Variants in MGAT4C observed in about 807,000 individuals in gnomAD.
MGAT4C encodes the protein MGAT4 family member C, also known as alpha-1,3-mannosyl-glycoprotein 4-beta-N-acetylglucosaminyltransferase C.
A neutral mutation model predicts 40.1 loss-of-function variants in MGAT4C; 19 were observed. The ratio of observed to expected loss-of-function variants is 0.47; its 90% CI spans 0.33 to 0.70. The LOEUF (loss-of-function observed/expected upper bound fraction) is 0.70, where lower values mean the gene tolerates loss of function less well. MGAT4C is among the 30% of genes least tolerant of loss of function. The probability of loss-of-function intolerance (pLI) is 0.02; values close to 1 mark genes in which losing one functional copy is unlikely to be tolerated. For synonymous variants in MGAT4C, 181 were observed against 187.1 expected, an observed-to-expected ratio of 0.97 and a Z score of 0.27; for missense variants, 491 against 563.2, an observed-to-expected ratio of 0.87 and a Z score of 1.30.
intron 1 of MGAT4C, among the ~76,000 whole-genome samples, chr12:86,091,343 T>A (rs1872843762): frequency 6.6e-6 from 1 of 152,042 alleles, no homozygotes; most frequent in African/African-American, 2.4e-5. Flanking sequence ...TGTTAACCAT[T>A]TTCCCCCCAC....
At chr12:86,138,127 C>G (rs572753542) in intron 1 of MGAT4C, among the ~76,000 whole-genome samples, 6 of 152,132 alleles carry the variant, frequency 3.9e-5, no homozygotes, top group Non-Finnish European at 8.8e-5. Context: ...ATACTCCACT[C>G]TATCCTGTTT....
intron 2 of MGAT4C, among the ~76,000 whole-genome samples, chr12:86,508,319 T>G (rs963168487): frequency 6.6e-6 from 1 of 152,160 alleles, no homozygotes; most frequent in African/African-American, 2.4e-5. Context: ...TTTGGTTTTT[T>G]GTTCTTGTGA....
chr12:86,146,563 A>G (rs1883543729), intron 1 of MGAT4C, among the ~76,000 whole-genome samples: 1 of 152,054 alleles, frequency 6.6e-6, no homozygotes, highest in Non-Finnish European at 1.5e-5. Flanking sequence ...AAATCTCTCT[A>G]AGAACTGGGA....
chr12:86,029,811 A>C (rs1318619694), intron 2 of MGAT4C, among the ~76,000 whole-genome samples: 1 of 151,836 alleles, frequency 6.6e-6, no homozygotes, highest in Non-Finnish European at 1.5e-5. Context: ...GAATGTGTGT[A>C]ATTCAAGAAC....
chr12:86,179,533 G>C (rs2135860554), intron 1 of MGAT4C, among the ~76,000 whole-genome samples: 1 of 152,318 alleles, frequency 6.6e-6, no homozygotes, highest in South Asian at 2.1e-4. Context: ...GAATGGCTTT[G>C]ACAAAAATAG....
At chr12:86,415,684 T>C (rs903261523) in intron 3 of MGAT4C, among the ~76,000 whole-genome samples, 1 of 151,964 alleles carries the variant, frequency 6.6e-6, no homozygotes, top group African/African-American at 2.4e-5. Flanking sequence ...TCAATGAAGA[T>C]ACAAAACCTT....
At chr12:86,126,226 C>T (rs1225950707) in intron 1 of MGAT4C, among the ~76,000 whole-genome samples, 1 of 151,594 alleles carries the variant, frequency 6.6e-6, no homozygotes, top group Non-Finnish European at 1.5e-5. Flanking sequence ...ATAAAGATGA[C>T]TTTAAAAATA....
intron 1 of MGAT4C, among the ~76,000 whole-genome samples, chr12:86,149,738 A>T (rs1566054862): frequency 6.6e-6 from 1 of 152,238 alleles, no homozygotes; most frequent in East Asian, 1.9e-4. Context: ...TATTATAGTC[A>T]TCCAAAACAT....
intron 1 of MGAT4C, among the ~76,000 whole-genome samples, chr12:86,788,745 G>T (rs1303665250): frequency 6.6e-6 from 1 of 152,126 alleles, no homozygotes; most frequent in Non-Finnish European, 1.5e-5. Context: ...CAAAAGATCT[G>T]TCCAGTGGAA....
intron 1 of MGAT4C, among the ~76,000 whole-genome samples, chr12:86,178,405 C>A (rs1346484320): frequency 2.0e-5 from 3 of 152,196 alleles, no homozygotes; most frequent in African/African-American, 7.2e-5. Flanking sequence ...TGACCGAGGG[C>A]ATGGATGTTC....
chr12:86,450,424 C>A (rs957315395), intron 2 of MGAT4C, among the ~76,000 whole-genome samples: 1 of 152,130 alleles, frequency 6.6e-6, no homozygotes. Context: ...GACAATTATT[C>A]AAATTGTCAA....
intron 1 of MGAT4C, among the ~76,000 whole-genome samples, chr12:86,130,800 C>A (rs1881061568): frequency 6.6e-6 from 1 of 151,756 alleles, no homozygotes; most frequent in Non-Finnish European, 1.5e-5. Flanking sequence ...TATTCCTCAC[C>A]TGAATTAAAC....
chr12:86,794,441 C>A (rs991166363), intron 1 of MGAT4C, among the ~76,000 whole-genome samples: 1 of 151,730 alleles, frequency 6.6e-6, no homozygotes, highest in African/African-American at 2.4e-5. Flanking sequence ...CAACAGATTT[C>A]ATGCTTCAGT....
chr12:86,067,643 A>G (rs1227573606), intron 1 of MGAT4C, among the ~76,000 whole-genome samples: 1 of 152,140 alleles, frequency 6.6e-6, no homozygotes, highest in Admixed American at 6.6e-5. Context: ...CCACCATGGC[A>G]CTTGTATACC....
chr12:86,574,763 G>A (rs1340834842), intron 2 of MGAT4C, among the ~76,000 whole-genome samples: 1 of 151,678 alleles, frequency 6.6e-6, no homozygotes, highest in African/African-American at 2.4e-5. Context: ...GTATATTTAT[G>A]AATTATTTGA....
At chr12:86,559,216 T>C (rs913445896) in intron 2 of MGAT4C, among the ~76,000 whole-genome samples, 1 of 151,958 alleles carries the variant, frequency 6.6e-6, no homozygotes, top group African/African-American at 2.4e-5. Context: ...AATACTACAA[T>C]ACTCAGAACT....
At chr12:86,794,912 T>C (rs1952086156) in intron 1 of MGAT4C, among the ~76,000 whole-genome samples, 1 of 151,880 alleles carries the variant, frequency 6.6e-6, no homozygotes. Flanking sequence ...AAATCAGCAG[T>C]ATTCTATAAA....
At chr12:86,683,391 T>C (rs767608485) in intron 2 of MGAT4C, among the ~76,000 whole-genome samples, 2 of 152,200 alleles carry the variant, frequency 1.3e-5, no homozygotes, top group Admixed American at 6.5e-5. Context: ...GAACTTTACA[T>C]AGTTAATGAG....
At chr12:86,098,909 A>C (rs1344553616) in intron 1 of MGAT4C, among the ~76,000 whole-genome samples, 1 of 151,550 alleles carries the variant, frequency 6.6e-6, no homozygotes, top group Admixed American at 6.6e-5. Flanking sequence ...TGTCATGCCA[A>C]CCTAAGAAAA....
Sources: gnomAD v4.1 joint callset for allele counts (sites outside exome capture counted in the v4.1 genomes callset) on GRCh38, gnomAD v4.1.1 for gene constraint, MANE v1.5 for transcripts, NCBI Gene and HGNC (gene_info 2026-07-23, HGNC 2026-07-21) for gene names.